The following DGKB variants were observed in gnomAD, a reference collection of about 807,000 sequenced individuals.
DGKB encodes the protein 90 kDa diacylglycerol kinase.
In DGKB, 67 loss-of-function variants were observed where a neutral mutation model predicts 114.3. The ratio of observed to expected loss-of-function variants is 0.59; its 90% CI spans 0.48 to 0.72. The LOEUF (loss-of-function observed/expected upper bound fraction) is 0.72, where lower values mean the gene tolerates loss of function less well. DGKB is among the 30% of genes least tolerant of loss of function. The pLI is 0.00. For missense variants in DGKB, 907 were observed against 975.2 expected, an observed-to-expected ratio of 0.93 and a Z score of 0.93; for synonymous variants, 398 against 323.1, an observed-to-expected ratio of 1.23 and a Z score of -2.49.
At chr7:14,300,260 C>T (rs1024250349) in intron 23 of DGKB, among the ~76,000 whole-genome samples, 1 of 151,968 alleles carries the variant, frequency 6.6e-6, no homozygotes, top group African/African-American at 2.4e-5. Context: ...GCAAAGTGCA[C>T]CTCATTTTTC....
At chr7:14,427,618 A>G (rs1827774275) in intron 21 of DGKB, among the ~76,000 whole-genome samples, 1 of 152,192 alleles carries the variant, frequency 6.6e-6, no homozygotes, top group African/African-American at 2.4e-5. Context: ...ACAGTTCCAC[A>G]TGGCTGGGGA....
intron 1 of DGKB, among the ~76,000 whole-genome samples, chr7:14,879,422 AC>A (rs1853870457): frequency 1.3e-5 from 2 of 152,160 alleles, no homozygotes; most frequent in Admixed American, 1.3e-4. Context: ...ATATAAAAAA[AC>A]ACTTTGCTTT....
At chr7:14,650,141 T>C (rs1350480029) in intron 13 of DGKB, among the ~76,000 whole-genome samples, 35 of 144,200 alleles carry the variant, frequency 2.4e-4, no homozygotes, top group African/African-American at 5.4e-4. Flanking sequence ...CTGCACCAAG[T>C]GGACCTAATA....
At chr7:14,348,653 A>G (rs993036807) in intron 21 of DGKB, among the ~76,000 whole-genome samples, 4 of 151,996 alleles carry the variant, frequency 2.6e-5, no homozygotes, top group Admixed American at 1.3e-4. Flanking sequence ...TTGTACCTCA[A>G]TGAAGCTGAA....
intron 2 of DGKB, among the ~76,000 whole-genome samples, chr7:14,758,402 C>A (rs1835198673): frequency 1.3e-5 from 2 of 151,894 alleles, no homozygotes. Flanking sequence ...TATATACATT[C>A]AGTCTACTAA....
intron 21 of DGKB, among the ~76,000 whole-genome samples, chr7:14,434,043 A>C (rs1357093291): frequency 6.6e-6 from 1 of 152,200 alleles, no homozygotes; most frequent in Non-Finnish European, 1.5e-5. Context: ...ATTTTGGAAC[A>C]TTTAGCACTT....
chr7:14,821,028 G>A (rs981746621), intron 2 of DGKB, among the ~76,000 whole-genome samples: 1 of 152,054 alleles, frequency 6.6e-6, no homozygotes, highest in African/African-American at 2.4e-5. Context: ...TTCCAGAAAG[G>A]TCTATGCTCC....
rs570129194 is a variant in DGKB, at chr7:14,558,774, G to A, written c.1770+15438C>T. The stretch of plus-strand genomic sequence containing the variant: ...TGTTGGAGACCAGAACACTCCTGTA[G>A]GTTCAGTATGTTTGGCTCTTGTGTG... On this transcript the variant is annotated intron_variant, in intron 20 of 25. Transcript: ENST00000402815. 2.6e-5 allele frequency among the ~76,000 whole-genome samples: 4 copies of A among 152,236 alleles called. No homozygotes were observed. In the East Asian group the frequency reaches 7.7e-4, roughly 29 times the overall value.
intron 23 of DGKB, among the ~76,000 whole-genome samples, chr7:14,303,934 A>G (rs759420681): frequency 6.6e-6 from 1 of 152,072 alleles, no homozygotes; most frequent in Non-Finnish European, 1.5e-5. Context: ...AGGTTCACAG[A>G]TGCAGATAAT....
chr7:14,188,737 C>G (rs76801136), intron 23 of DGKB, among the ~76,000 whole-genome samples: 15,314 of 142,846 alleles, frequency 0.11, 1,053 homozygotes, highest in Admixed American at 0.19. Flanking sequence ...ATATTATAAT[C>G]AAACCGTCAA....
intron 15 of DGKB, among the ~76,000 whole-genome samples, chr7:14,620,640 C>G (rs1318123136): frequency 6.6e-6 from 1 of 151,678 alleles, no homozygotes; most frequent in African/African-American, 2.4e-5. Flanking sequence ...CTTAAATCCA[C>G]AATTTCATAA....
intron 23 of DGKB, among the ~76,000 whole-genome samples, chr7:14,221,428 A>G (rs375551608): frequency 8.6e-5 from 13 of 151,260 alleles, no homozygotes; most frequent in African/African-American, 3.1e-4. Flanking sequence ...TACTGAGTTG[A>G]TCATGTGATT....
intron 1 of DGKB, among the ~76,000 whole-genome samples, chr7:14,957,126 G>T (rs1239227640): frequency 1.3e-5 from 2 of 151,786 alleles, no homozygotes; most frequent in East Asian, 3.9e-4. Context: ...TAATTAAATC[G>T]AATATCCCAG....
intron 4 of DGKB, among the ~76,000 whole-genome samples, chr7:14,751,656 C>G (rs893593128): frequency 5.9e-5 from 9 of 152,148 alleles, no homozygotes; most frequent in Admixed American, 5.2e-4. Context: ...GCTATCAGAA[C>G]AGCACTCAGG....
intron 20 of DGKB, among the ~76,000 whole-genome samples, chr7:14,563,239 G>A (rs780405651): frequency 1.1e-4 from 16 of 152,248 alleles, no homozygotes; most frequent in African/African-American, 2.9e-4. Context: ...TATAAATTAC[G>A]TAGTCTTGGG....
intron 2 of DGKB, among the ~76,000 whole-genome samples, chr7:14,762,542 C>T (rs558250665): frequency 3.3e-5 from 5 of 152,132 alleles, no homozygotes; most frequent in East Asian, 3.9e-4. Flanking sequence ...CATTTGGTAA[C>T]GTTTAGAAAA....
chr7:14,232,373 GA>G (rs5882434), intron 23 of DGKB, among the ~76,000 whole-genome samples: 78,329 of 142,376 alleles, frequency 0.55, 21,534 homozygotes, highest in African/African-American at 0.71. Flanking sequence ...GTAAGTTAGT[GA>G]AAAAAAAAAA....
rs112867250 is a variant in DGKB, at chr7:14,933,595, C to T, written c.-188+41101G>A. ...TCAGGATAAAAATTATGTCTTACTCCTCTCTGCAGTCCTCAGAATTTAAAT... is the reference window on the plus strand; with the variant it reads ...TCAGGATAAAAATTATGTCTTACTCTTCTCTGCAGTCCTCAGAATTTAAAT... On this transcript the variant is annotated intron_variant, in intron 1 of 4. Transcript: ENST00000437998. Among the ~76,000 whole-genome samples the T allele has an allele frequency of 6.6e-5, 10 of 152,244 alleles. 2 individuals carry two copies. Among genetic ancestry groups the T allele is most frequent in the African/African-American group, 2.4e-4 (10 of 41,524 alleles).
chr7:14,289,242 A>G (rs1347467311), intron 23 of DGKB, among the ~76,000 whole-genome samples: 3 of 152,180 alleles, frequency 2.0e-5, no homozygotes, highest in Non-Finnish European at 4.4e-5. Context: ...ACCTAATTTT[A>G]AATATTTCTC....
Sources: allele counts gnomAD v4.1 joint callset (sites outside exome capture counted in the v4.1 genomes callset), GRCh38; gene constraint gnomAD v4.1.1; transcripts MANE v1.5; gene names NCBI Gene and HGNC (gene_info 2026-07-23, HGNC 2026-07-21).